ADCYAP1R1: variants seen among roughly 807,000 people sequenced by gnomAD.
ADCYAP1R1 encodes ADCYAP receptor type I.
ADCYAP1R1 carries 44 observed loss-of-function variants against 67.6 expected under a neutral mutation model. The observed-to-expected ratio is 0.65, with a 90% CI of 0.51 to 0.84. The LOEUF (loss-of-function observed/expected upper bound fraction) is 0.84. Among genes scored for constraint, ADCYAP1R1 ranks in the 40% least tolerant of loss-of-function variants. ADCYAP1R1 has a pLI of 0.00. For missense variants in ADCYAP1R1, 477 were observed against 587.9 expected, an observed-to-expected ratio of 0.81 and a Z score of 1.95; for synonymous variants, 222 against 219.6, an observed-to-expected ratio of 1.01 and a Z score of -0.10.
intron 13 of ADCYAP1R1, among the ~76,000 whole-genome samples, chr7:31,097,739 G>C (rs1796258662): frequency 6.6e-6 from 1 of 152,146 alleles, no homozygotes; most frequent in South Asian, 2.1e-4. Context: ...GCTAAAGAAA[G>C]CAGGGCTGCA....
intron 15 of ADCYAP1R1, among the ~76,000 whole-genome samples, chr7:31,105,583 G>A (rs1796608052): frequency 6.6e-6 from 1 of 152,248 alleles, no homozygotes; most frequent in Non-Finnish European, 1.5e-5. Flanking sequence ...TTTGAGAGTA[G>A]GCGGGAGTCT....
Position 31,109,649 on chromosome 7 carries a change from C to A in ADCYAP1R1, c.*2965C>A, listed in dbSNP as rs1424543383. On this transcript the variant is annotated 3_prime_UTR_variant, in exon 16 of 16. Coordinates refer to ENST00000304166, the MANE Select transcript of ADCYAP1R1 (RefSeq NM_001118.5). ...AAACTCACCCATGGGAGGCCGAATT[C>A]TCCTTGGGATGAAGAAATTTCTCTT... is the stretch of plus-strand genomic sequence containing the variant. 1 of 152,096 alleles carries A rather than the reference C, an allele frequency of 6.6e-6. No homozygotes were observed. Among genetic ancestry groups the A allele is most frequent in the Non-Finnish European group, 1.5e-5 (1 of 68,028 alleles). The allele number at this position is 152,096 out of a possible 1,614,324, so 9.4% of individuals were successfully genotyped here. A position where few individuals can be genotyped will look rare whatever the true frequency, so the allele number is the denominator to read the frequency against.
chr7:31,066,034 G>T (rs1454617071), intron 3 of ADCYAP1R1, among the ~76,000 whole-genome samples: 1 of 151,772 alleles, frequency 6.6e-6, no homozygotes, highest in Non-Finnish European at 1.5e-5. Context: ...CCTAACCAAG[G>T]TTGAACGTGG....
intron 12 of ADCYAP1R1, among the ~76,000 whole-genome samples, chr7:31,090,115 A>G (rs1227924779): frequency 6.6e-6 from 1 of 152,178 alleles, no homozygotes; most frequent in Non-Finnish European, 1.5e-5. Context: ...GAACTGGTCT[A>G]TAAAATTATC....
chr7:31,104,379 G>T (rs1246738751), intron 14 of ADCYAP1R1, among the ~76,000 whole-genome samples: 1 of 152,232 alleles, frequency 6.6e-6, no homozygotes, highest in African/African-American at 2.4e-5. Flanking sequence ...CATACGCTGT[G>T]CCAAGTACTC....
intron 1 of ADCYAP1R1, among the ~76,000 whole-genome samples, chr7:31,058,537 CTCTATATTGTGTG>C (rs1562624766): frequency 6.6e-6 from 1 of 152,154 alleles, no homozygotes; most frequent in African/African-American, 2.4e-5. Flanking sequence ...AGCCTCCAGG[CTCTATATTGTGTG>C]ACCTTGGAAA....
chr7:31,104,961 G>A, intron 15 of ADCYAP1R1, 52 bp downstream of exon 15: 3 of 1,591,130 alleles, frequency 1.9e-6, no homozygotes, highest in Middle Eastern at 1.7e-4. Flanking sequence ...GCTTTCTGGG[G>A]AGCAGACAGG....
chr7:31,106,612 G>T lies in ADCYAP1R1; in HGVS notation c.1335G>T (p.Gln445His), dbSNP rs1796658863. The change falls in exon 16 of 16, where the codon CAG (glutamine) becomes CAT (histidine). Residue 445 changes from glutamine to histidine, a missense_variant. Physicochemically the swap from Gln to His is conservative, Grantham distance 24. Transcript: ENST00000304166. Reference sequence around the variant, plus strand: ...GCAGTGGGGTGAATGGGGGCACCCAGCTCTCCATCCTGAGCAAGAGCAGCT... The same window carrying T: ...GCAGTGGGGTGAATGGGGGCACCCATCTCTCCATCCTGAGCAAGAGCAGCT... ...LASSGVNGGT[Q>H]LSILSKSSSQ... 6.2e-7 allele frequency: 1 copy of T among 1,613,856 alleles called. No individual in the cohort carries two copies. The highest frequency in any genetic ancestry group is 8.5e-7 in the Non-Finnish European group (1 of 1,179,894).
In ADCYAP1R1 at chr7:31,108,347, T is replaced by G. The variant is rs899712155; in HGVS notation, c.*1663T>G. On this transcript the variant is annotated 3_prime_UTR_variant, in exon 16 of 16. Coordinates refer to ENST00000304166, the MANE Select transcript of ADCYAP1R1 (RefSeq NM_001118.5). The stretch of plus-strand genomic sequence containing the variant: ...GAGGAAGAAAGGAGCTACCTGCCCT[T>G]TCCTGGGCATGCTTGGTGACTCAGA... 4 of 152,272 alleles carry G rather than the reference T, an allele frequency of 2.6e-5. No homozygotes were observed. The highest frequency in any genetic ancestry group is 5.9e-5 in the Non-Finnish European group (4 of 68,090). 9.4% of individuals were successfully genotyped at this position (152,272 alleles called of 1,614,324 possible). A position where few individuals can be genotyped will look rare whatever the true frequency, so the allele number is the denominator to read the frequency against.
chr7:31,064,275 G>A lies in ADCYAP1R1; in HGVS notation c.52-556G>A, dbSNP rs539854283. Among the ~76,000 whole-genome samples the A allele has an allele frequency of 3.8e-3, 583 of 152,248 alleles. 5 individuals carry two copies. The highest frequency in any genetic ancestry group is 4.5e-3 in the Non-Finnish European group (306 of 68,022). On this transcript the variant is annotated intron_variant, in intron 2 of 15. Coordinates refer to ENST00000304166, the MANE Select transcript of ADCYAP1R1 (RefSeq NM_001118.5). ...AGTTCCTGGAGAAGAGAGAAAATGA[G>A]CTTTCTCAGCCTGACTTCTCCCCTA... is the stretch of plus-strand genomic sequence containing the variant.
intron 14 of ADCYAP1R1, among the ~76,000 whole-genome samples, chr7:31,103,811 G>GT (rs948815929): frequency 2.0e-5 from 3 of 152,210 alleles, no homozygotes; most frequent in Non-Finnish European, 2.9e-5. Flanking sequence ...ACATGAGTGA[G>GT]TGGGGGGATG....
At chr7:31,075,447 T>G (rs1197987792) in intron 3 of ADCYAP1R1, among the ~76,000 whole-genome samples, 1 of 152,156 alleles carries the variant, frequency 6.6e-6, no homozygotes, top group African/African-American at 2.4e-5. Context: ...TCTACTCTGC[T>G]GCCTGGCACT....
intron 3 of ADCYAP1R1, among the ~76,000 whole-genome samples, chr7:31,068,809 C>T (rs943853739): frequency 6.6e-6 from 1 of 152,130 alleles, no homozygotes; most frequent in Non-Finnish European, 1.5e-5. Context: ...TCAAGGGCCT[C>T]AAGTTCAGGG....
chr7:31,106,646 C>T lies in ADCYAP1R1; in HGVS notation c.1369C>T (p.Arg457Cys), dbSNP rs748664001. ...SILSKSSSQI[R>C]MSGLPADNLA... ...CCTGAGCAAGAGCAGCTCCCAAATC[C>T]GCATGTCTGGCCTCCCTGCTGACAA... is the stretch of plus-strand genomic sequence containing the variant. Residue 457 changes from arginine (R) to cysteine (C), a missense_variant, in exon 16 of 16, where the codon CGC becomes TGC. Transcript: ENST00000304166. The T allele has an allele frequency of 8.7e-6, 14 of 1,612,356 alleles. No homozygotes were observed. Among genetic ancestry groups the T allele is most frequent in the African/African-American group, 2.7e-5 (2 of 74,908 alleles).
chr7:31,098,870 G>T (rs1161563716), intron 13 of ADCYAP1R1, among the ~76,000 whole-genome samples: 1 of 152,174 alleles, frequency 6.6e-6, no homozygotes, highest in Admixed American at 6.5e-5. Flanking sequence ...GGTCTCTGTA[G>T]CTGTCCTCAT....
At position 31,064,907 on chromosome 7, in the gene ADCYAP1R1, A is replaced by G; in HGVS notation, c.128A>G (p.Glu43Gly). 2 of 1,611,796 alleles carry G rather than the reference A, an allele frequency of 1.2e-6. No individual in the cohort carries two copies. The highest frequency in any genetic ancestry group is 1.1e-5 in the South Asian group (1 of 90,276). ...MCLEKIQRAN[E>G]LMGFNDSSPG... is the part of the protein sequence containing the mutation. ...CTGGAGAAGATCCAGAGGGCCAATG[A>G]GCTGATGGGCTTCAATGATTCCTCT... The change falls in exon 3 of 16, where the codon GAG becomes GGG. Residue 43 changes from glutamate (E) to glycine (G), a missense_variant. Glu to Gly is a moderately conservative substitution (Grantham distance 98). Coordinates refer to ENST00000304166, the MANE Select transcript of ADCYAP1R1 (RefSeq NM_001118.5).
At chr7:31,084,985 C>A in intron 8 of ADCYAP1R1, 151 bp downstream of exon 8, 1 of 829,468 alleles carries the variant, frequency 1.2e-6, no homozygotes, top group Non-Finnish European at 2.0e-6. Flanking sequence ...TGGGAAACTT[C>A]ACTCCAGAGA....
At chr7:31,061,562 T>C (rs1327390971) in intron 1 of ADCYAP1R1, among the ~76,000 whole-genome samples, 1 of 152,186 alleles carries the variant, frequency 6.6e-6, no homozygotes, top group African/African-American at 2.4e-5. Flanking sequence ...AGGAGGAGGC[T>C]GGGCCAGTGT....
intron 1 of ADCYAP1R1, among the ~76,000 whole-genome samples, chr7:31,062,789 T>G (rs1794561079): frequency 6.6e-6 from 1 of 152,214 alleles, no homozygotes. Flanking sequence ...CTTCATCATG[T>G]GCCCACACCT....
Sources: gnomAD v4.1 joint callset for allele counts (sites outside exome capture counted in the v4.1 genomes callset) on GRCh38, gnomAD v4.1.1 for gene constraint, MANE v1.5 for transcripts, NCBI Gene and HGNC (gene_info 2026-07-23, HGNC 2026-07-21) for gene names.